The following PPP1R37 variants were observed in gnomAD, a reference collection of about 807,000 sequenced individuals.
The protein encoded by PPP1R37 is protein phosphatase 1 regulatory subunit 37.
PPP1R37 carries 21 observed loss-of-function variants against 61.0 expected under a neutral mutation model. The ratio of observed to expected loss-of-function variants is 0.34; its 90% CI spans 0.24 to 0.50. The LOEUF (loss-of-function observed/expected upper bound fraction) is 0.50, where lower values mean the gene tolerates loss of function less well. PPP1R37 is among the 20% of genes least tolerant of loss of function. The probability of loss-of-function intolerance (pLI) is 0.98; values close to 1 mark genes in which losing one functional copy is unlikely to be tolerated. For missense variants in PPP1R37, 910 were observed against 952.7 expected, an observed-to-expected ratio of 0.96 and a Z score of 0.59; for synonymous variants, 443 against 433.5, an observed-to-expected ratio of 1.02 and a Z score of -0.27.
At chr19:45,128,800 A>C in intron 1 of PPP1R37, 1 of 621,062 alleles carries the variant, frequency 1.6e-6, no homozygotes, top group Non-Finnish European at 2.9e-6. Flanking sequence ...TCACCTTATA[A>C]TGTGGGTGTC....
intron 1 of PPP1R37, among the ~76,000 whole-genome samples, chr19:45,098,293 A>T (rs1393783898): frequency 6.6e-6 from 1 of 152,254 alleles, no homozygotes; most frequent in East Asian, 1.9e-4. Context: ...CCAAGGCCAG[A>T]CTTACACAAG....
intron 1 of PPP1R37, among the ~76,000 whole-genome samples, chr19:45,100,481 T>C (rs555900083): frequency 8.5e-5 from 13 of 152,084 alleles, no homozygotes; most frequent in African/African-American, 3.1e-4. Context: ...CCCCAGGAGG[T>C]AGGTGCCGTT....
intron 1 of PPP1R37, among the ~76,000 whole-genome samples, chr19:45,123,019 CTT>C (rs1019461998): frequency 9.2e-5 from 14 of 152,218 alleles, no homozygotes; most frequent in African/African-American, 3.4e-4. Flanking sequence ...CCTTTTGCAT[CTT>C]TGTCATCTCT....
chr19:45,106,807 CT>C (rs927426410), intron 1 of PPP1R37, among the ~76,000 whole-genome samples: 334 of 78,118 alleles, frequency 4.3e-3, no homozygotes, highest in Non-Finnish European at 6.0e-3. Context: ...TGTTGAGCAT[CT>C]TTTTTTTTTT....
Position 45,093,499 on chromosome 19 carries a change from A to C in PPP1R37, c.174A>C (p.Ala58=), listed in dbSNP as rs1568437081. 1.0e-5 allele frequency: 16 copies of C among 1,535,384 alleles called. No individual in the cohort carries two copies. Among genetic ancestry groups the C allele is most frequent in the Non-Finnish European group, 8.7e-6 (10 of 1,146,646 alleles). ...FPSDEDIVSG[A]VEPKDPWRHA... ...CCGACGAGGATATCGTGTCTGGAGCAGTGGAGCCCAAAGACCCCTGGAGAC... is the reference window on the plus strand; with the variant it reads ...CCGACGAGGATATCGTGTCTGGAGCCGTGGAGCCCAAAGACCCCTGGAGAC... Residue 58 remains alanine (A), a synonymous_variant, in exon 1 of 13, where the codon GCA becomes GCC. Transcript: ENST00000221462.
Position 45,144,874 on chromosome 19 carries a change from G to A in PPP1R37, c.1008G>A (p.Glu336=). The change falls in exon 9 of 13, where the codon GAG becomes GAA. Residue 336 remains glutamate, a synonymous_variant. Coordinates refer to ENST00000221462, the MANE Select transcript of PPP1R37 (RefSeq NM_019121.2). ...TCCAGCCGCACACTCAGAGCCTGGA[G>A]ACGCTGAACCTGGGCCACAACCCCA... ...GMTLPHTQSL[E]TLNLGHNPIG... is the part of the protein sequence containing the mutation. 6.5e-7 allele frequency: 1 copy of A among 1,534,534 alleles called. No individual in the cohort carries two copies. The highest frequency in any genetic ancestry group is 8.7e-7 in the Non-Finnish European group (1 of 1,146,098).
intron 1 of PPP1R37, among the ~76,000 whole-genome samples, chr19:45,097,790 C>T (rs1568438392): frequency 1.3e-5 from 2 of 152,014 alleles, no homozygotes; most frequent in East Asian, 1.9e-4. Context: ...GAGCAGAGGC[C>T]GAAGTCCATC....
intron 2 of PPP1R37, among the ~76,000 whole-genome samples, chr19:45,139,172 C>T (rs1231802669): frequency 6.6e-6 from 1 of 152,120 alleles, no homozygotes; most frequent in African/African-American, 2.4e-5. Context: ...CCACCTCAGC[C>T]TCCTAAAATG....
At chr19:45,138,203 G>A (rs147349404) in intron 1 of PPP1R37, among the ~76,000 whole-genome samples, 124 of 152,234 alleles carry the variant, frequency 8.1e-4, no homozygotes, top group Middle Eastern at 6.8e-3. Context: ...CTGGGCTCCC[G>A]GGCTAGTAGG....
rs183967804 is a variant in PPP1R37 at position 45,133,900 on chromosome 19, A to G, written c.203-4614A>G. Among the ~76,000 whole-genome samples the G allele has an allele frequency of 1.8e-4, 28 of 152,346 alleles. 1 individual carries two copies. The East Asian group carries it at 5.4e-3, about 29-fold the overall frequency. ...CCATCACCTCCCCTCGTGAGTCCGC[A>G]TTGAGTGCAGATACTGAGGAACTGG... On this transcript the variant is annotated intron_variant, in intron 1 of 12. Coordinates refer to ENST00000221462, the MANE Select transcript of PPP1R37 (RefSeq NM_019121.2).
chr19:45,144,999 G>C lies in PPP1R37; in HGVS notation c.1129+4G>C. On this transcript the variant is annotated splice_donor_region_variant and intron_variant, in intron 9 of 12. Transcript: ENST00000221462. ...TCCACCAAGCTCACGTGCGAGGGTA[G>C]GGTACGGGGCCGGGCCAGGGTGCGG... The C allele has an allele frequency of 6.5e-7, 1 of 1,534,098 alleles. No homozygotes were observed. The highest frequency in any genetic ancestry group is 8.7e-7 in the Non-Finnish European group (1 of 1,146,004).
At chr19:45,141,533 A>G (rs1370073010) in intron 5 of PPP1R37, 92 bp downstream of exon 5, 4 of 1,439,904 alleles carry the variant, frequency 2.8e-6, no homozygotes, top group Non-Finnish European at 3.7e-6. Flanking sequence ...CTCTGACTGC[A>G]TGAGCTCTTG....
intron 1 of PPP1R37, among the ~76,000 whole-genome samples, chr19:45,097,117 A>G (rs1162308618): frequency 1.3e-5 from 2 of 151,924 alleles, no homozygotes; most frequent in African/African-American, 4.8e-5. Context: ...AAGTGGGTCT[A>G]AGGGGAGGCC....
intron 1 of PPP1R37, among the ~76,000 whole-genome samples, chr19:45,095,020 G>T (rs958975916): frequency 9.9e-5 from 15 of 152,176 alleles, no homozygotes; most frequent in Admixed American, 9.8e-4. Context: ...GATCAGACTG[G>T]CTGTGGTGGC....
intron 1 of PPP1R37, among the ~76,000 whole-genome samples, chr19:45,101,111 T>C (rs541665875): frequency 2.2e-4 from 33 of 152,244 alleles, no homozygotes; most frequent in African/African-American, 7.9e-4. Flanking sequence ...AGTAAAGAAT[T>C]CTCAGCAAAC....
At chr19:45,142,990 G>A (rs760573644) in intron 7 of PPP1R37, 12 of 166,544 alleles carry the variant, frequency 7.2e-5, no homozygotes, top group Non-Finnish European at 1.2e-4. Flanking sequence ...AGCCGTCAAA[G>A]GAGGCGTTCC....
intron 1 of PPP1R37, among the ~76,000 whole-genome samples, chr19:45,116,953 G>T (rs1306492174): frequency 7.7e-5 from 9 of 117,278 alleles, no homozygotes; most frequent in East Asian, 4.6e-4. Flanking sequence ...CGCTCTTTTT[G>T]CCCAGGCTGG....
intron 1 of PPP1R37, 142 bp downstream of exon 1, chr19:45,093,669 A>G: frequency 1.7e-6 from 1 of 578,792 alleles, no homozygotes; most frequent in Non-Finnish European, 2.9e-6. Flanking sequence ...TTAGAACCGT[A>G]GTCTGTTAGA....
chr19:45,102,585 G>T (rs1297386248), intron 1 of PPP1R37, among the ~76,000 whole-genome samples: 2 of 152,196 alleles, frequency 1.3e-5, no homozygotes, highest in African/African-American at 4.8e-5. Flanking sequence ...GGCTGTAAGG[G>T]TTAGGCAGGT....
Sources: gnomAD v4.1 joint callset for allele counts (sites outside exome capture counted in the v4.1 genomes callset) on GRCh38, gnomAD v4.1.1 for gene constraint, MANE v1.5 for transcripts, NCBI Gene and HGNC (gene_info 2026-07-23, HGNC 2026-07-21) for gene names.